The following APEH variants were observed in gnomAD, a reference collection of about 807,000 sequenced individuals.
APEH encodes acylamino-acid-releasing enzyme.
In APEH, 75 loss-of-function variants were observed where a neutral mutation model predicts 102.7. That is an observed-to-expected ratio of 0.73 (90% confidence interval 0.61 to 0.89). APEH has a LOEUF of 0.89. Ranked by LOEUF, APEH falls within the 40% of genes least tolerant of loss-of-function variation. APEH has a pLI of 0.00. For missense variants in APEH, 863 were observed against 941.2 expected (o/e 0.92, Z 1.09); for synonymous variants, 344 against 362.7 (o/e 0.95, Z 0.59).
Position 49,674,387 on chromosome 3 carries a change from G to A in APEH, c.-15G>A, listed in dbSNP as rs577678433. ...CGAGCACGCCCCGCCTCGCCCCGGC[G>A]GCAGAGAGGAGACTATGGAACGTCA... On this transcript the variant is annotated 5_prime_UTR_variant, in exon 1 of 22. Transcript: ENST00000296456. 7.0e-6 allele frequency: 11 copies of A among 1,571,122 alleles called. No homozygotes were observed. The highest frequency in any genetic ancestry group is 2.3e-5 in the South Asian group (2 of 87,160).
Position 49,676,527 on chromosome 3 carries a change from C to T in APEH, c.744+12C>T, listed in dbSNP as rs1021544461. The T allele has an allele frequency of 6.2e-7, 1 of 1,614,264 alleles. No individual in the cohort carries two copies. The highest frequency in any genetic ancestry group is 1.3e-5 in the African/African-American group (1 of 75,074). On this transcript the variant is annotated intron_variant, in intron 7 of 21. Coordinates refer to ENST00000296456, the MANE Select transcript of APEH (RefSeq NM_001640.4). ...TGTCCCCTGGACAGGTCAGCAGCAA[C>T]AGCCTGTGTCCCCCCTGGAGTCTGG...
At chr3:49,681,864 C>T in intron 16 of APEH, 23 bp from the exon 17 acceptor site, 1 of 1,612,516 alleles carries the variant, frequency 6.2e-7, no homozygotes, top group Non-Finnish European at 8.5e-7. Flanking sequence ...CTGGCCCTTT[C>T]ACCCTCCGCT....
At position 49,682,878 on chromosome 3, in the gene APEH, ACTGC is replaced by A; in HGVS notation, c.1925_1928del (p.Leu642GlnfsTer21). Reference sequence around the variant, plus strand: ...GAGGCTGGCTTTCCTTTCAGCAGTGACTGCCTGCCAGACCTCAGCGTGTGGGCTG... The same window carrying A: ...GAGGCTGGCTTTCCTTTCAGCAGTGACTGCCAGACCTCAGCGTGTGGGCTG... On this transcript the variant is annotated frameshift_variant, in exon 20 of 22. Coordinates refer to ENST00000296456, the MANE Select transcript of APEH (RefSeq NM_001640.4). LOFTEE classifies it high-confidence loss of function. 1 of 1,614,016 alleles carries A rather than the reference ACTGC, an allele frequency of 6.2e-7. No individual in the cohort carries two copies. The highest frequency in any genetic ancestry group is 8.5e-7 in the Non-Finnish European group (1 of 1,180,024).
chr3:49,678,707 G>C (rs971611692), intron 11 of APEH, 145 bp from the exon 12 acceptor site: 1 of 691,688 alleles, frequency 1.4e-6, no homozygotes, highest in Non-Finnish European at 2.5e-6. Flanking sequence ...CGCGTAGCGT[G>C]CCCCCATGTG....
rs376075594 is a variant in APEH at position 49,676,225 on chromosome 3, C to T, written c.606+6C>T. The T allele has an allele frequency of 1.9e-5, 30 of 1,613,416 alleles. No individual in the cohort carries two copies. Among genetic ancestry groups the T allele is most frequent in the Admixed American group, 5.0e-5 (3 of 60,006 alleles). On this transcript the variant is annotated splice_donor_region_variant and intron_variant, in intron 6 of 21. Transcript: ENST00000296456. ...AGCCAGACCAAGCCATCAAGGTGCT[C>T]GTGGTCAATCCACGAAGGCCCGGCA...
Position 49,679,324 on chromosome 3 carries a change from G to A in APEH, c.1159-269G>A, listed in dbSNP as rs1395459075. ...ACAGTGTGCCAGGCTCCTTTTGGGT[G>A]TGATATTTGGTCCTTGTGCCAACTC... On this transcript the variant is annotated intron_variant, in intron 12 of 21. Transcript: ENST00000296456. This position sits in a 1 kb window ranked among gnomAD's most constrained non-coding sequence, Gnocchi z 4.3. Among the ~76,000 whole-genome samples the A allele has an allele frequency of 3.9e-5, 6 of 152,294 alleles. No individual in the cohort carries two copies. Among genetic ancestry groups the A allele is most frequent in the East Asian group, 3.9e-4 (2 of 5,180 alleles).
In APEH at chr3:49,682,801, G is replaced by A. The variant is rs1013015694; in HGVS notation, c.1884-42G>A. On this transcript the variant is annotated intron_variant, in intron 19 of 21. Transcript: ENST00000296456. ...CCTCAAATTCTCATGGAGCCCCGTA[G>A]CCCCAGAATTCCTGGGGCTGCAACA... 8.1e-6 allele frequency: 13 copies of A among 1,613,554 alleles called. No individual in the cohort carries two copies. The East Asian group carries it at 2.9e-4, about 36-fold the overall frequency.
chr3:49,682,260 A>G, intron 17 of APEH, 88 bp from the exon 18 acceptor site: 1 of 1,332,874 alleles, frequency 7.5e-7, no homozygotes. Flanking sequence ...AGCTGGCCCC[A>G]GGGCCTACTT....
intron 17 of APEH, among the ~76,000 whole-genome samples, 175 bp downstream of exon 17, chr3:49,682,142 A>G (rs771330794): frequency 1.6e-4 from 25 of 152,222 alleles, no homozygotes; most frequent in Admixed American, 9.8e-4. Flanking sequence ...TGGCATAGTG[A>G]TAACAAGGAC....
At chr3:49,678,779 C>T (rs2053185524) in intron 11 of APEH, 73 bp from the exon 12 acceptor site, 6 of 1,304,578 alleles carry the variant, frequency 4.6e-6, no homozygotes, top group South Asian at 1.2e-5. Flanking sequence ...TTCCCCAGTA[C>T]CCTAGCCTTC....
At position 49,680,643 on chromosome 3, in the gene APEH, G is replaced by A. The variant is rs1485650328; in HGVS notation, c.1299+14G>A. 1 of 1,611,954 alleles carries A rather than the reference G, an allele frequency of 6.2e-7. No homozygotes were observed. The highest frequency in any genetic ancestry group is 8.5e-7 in the Non-Finnish European group (1 of 1,178,334). On this transcript the variant is annotated intron_variant, in intron 14 of 21. Transcript: ENST00000296456. ...CCTCCAACCCTGGTGAGTGTCGGTG[G>A]GTCCCAGGCTGTGGAGGCAGGGGTT...
chr3:49,683,083 GT>G lies in APEH; in HGVS notation c.2031del (p.Val678CysfsTer43). The G allele has an allele frequency of 1.2e-6, 2 of 1,614,072 alleles. No homozygotes were observed. The highest frequency in any genetic ancestry group is 1.7e-6 in the Non-Finnish European group (2 of 1,180,038). On this transcript the variant is annotated frameshift_variant, in exon 21 of 22. Transcript: ENST00000296456. LOFTEE classifies it high-confidence loss of function. ...LLLMLGQEDR[R>X]VPFKQGMEYY... ...CTGATGTTGGGCCAGGAGGACCGGC[GT>G]GTGCCCTTCAAGCAGGGCATGGAGT...
In APEH at chr3:49,675,911, G is replaced by C; in HGVS notation, c.387G>C (p.Lys129Asn). The change falls in exon 5 of 22, where the codon AAG becomes AAC. Residue 129 changes from lysine (K) to asparagine (N), a missense_variant. Physicochemically the swap from Lys to Asn is moderately conservative, Grantham distance 94. Transcript: ENST00000296456. ...CTCAGGTCTGGGAGAAGAACCGGAA[G>C]CTCAAGAGCTTCAACCTGTCAGCGC... ...QFLEVWEKNR[K>N]LKSFNLSALE... 2 of 1,614,202 alleles carry C rather than the reference G, an allele frequency of 1.2e-6. No individual in the cohort carries two copies. The highest frequency in any genetic ancestry group is 1.7e-6 in the Non-Finnish European group (2 of 1,180,032).
At chr3:49,676,010 T>A (rs752059919) in intron 5 of APEH, 44 bp downstream of exon 5, 6 of 1,613,916 alleles carry the variant, frequency 3.7e-6, no homozygotes, top group Non-Finnish European at 5.1e-6. Flanking sequence ...ACAGGAGGGG[T>A]AGCCGTAGCC....
chr3:49,681,079 A>T (rs2053297053), intron 14 of APEH, 22 bp from the exon 15 acceptor site: 1 of 1,558,686 alleles, frequency 6.4e-7, no homozygotes, highest in Non-Finnish European at 8.7e-7. Flanking sequence ...GCCACCTATG[A>T]CACATTCTTT....
At chr3:49,674,656 G>A (rs1575462762) in intron 2 of APEH, 35 bp downstream of exon 2, 1 of 1,582,004 alleles carries the variant, frequency 6.3e-7, no homozygotes. Context: ...TGGCGACGGG[G>A]TCGCGCACTG....
intron 5 of APEH, 24 bp from the exon 6 acceptor site, chr3:49,676,032 C>G (rs370423564): frequency 6.2e-6 from 10 of 1,614,018 alleles, no homozygotes; most frequent in South Asian, 2.2e-5. Context: ...TGGGCCCCCC[C>G]TGATTGGCCC....
chr3:49,678,345 G>T (rs149353040), intron 11 of APEH, among the ~76,000 whole-genome samples: 1 of 152,282 alleles, frequency 6.6e-6, no homozygotes, highest in Non-Finnish European at 1.5e-5. Flanking sequence ...CTCAGACAGG[G>T]TCCTGGCCTC....
At chr3:49,681,592 G>T in intron 15 of APEH, 130 bp from the exon 16 acceptor site, 1 of 805,970 alleles carries the variant, frequency 1.2e-6, no homozygotes, top group Non-Finnish European at 1.9e-6. Context: ...TGGGGTCCAT[G>T]TGTCATGGTG....
Sources: gnomAD v4.1 joint callset for allele counts (sites outside exome capture counted in the v4.1 genomes callset) on GRCh38, gnomAD v4.1.1 for gene constraint, Gnocchi (gnomAD v3.1) non-coding constraint, MANE v1.5 for transcripts, NCBI Gene and HGNC (gene_info 2026-07-23, HGNC 2026-07-21) for gene names.